The following SFI1 variants were observed in gnomAD, a reference collection of about 807,000 sequenced individuals.
The protein encoded by SFI1 is protein SFI1 homolog.
A neutral mutation model predicts 207.5 loss-of-function variants in SFI1; 195 were observed. The ratio of observed to expected loss-of-function variants is 0.94; its 90% confidence interval spans 0.84 to 1.06. SFI1 has a LOEUF of 1.06. SFI1 is among the 50% of genes least tolerant of loss of function. The pLI is 0.00. For missense variants in SFI1, 1,634 were observed against 1,588.0 expected, an observed-to-expected ratio of 1.03 and a Z score of -0.49; for synonymous variants, 630 against 598.9, an observed-to-expected ratio of 1.05 and a Z score of -0.76.
intron 6 of SFI1, among the ~76,000 whole-genome samples, chr22:31,555,883 A>G (rs2061110726): frequency 1.3e-5 from 2 of 152,210 alleles, no homozygotes; most frequent in South Asian, 2.1e-4. Context: ...CTTGTCAACA[A>G]CTGTGAAATA....
chr22:31,589,505 A>T lies in SFI1; in HGVS notation c.1472A>T (p.His491Leu), dbSNP rs2065531007. The part of the protein sequence containing the change: ...FQQRALPAAF[H>L]TWNRLWRWRH... ...CAGAGAGCCCTGCCTGCTGCCTTCC[A>T]CACATGGAACAGACTCTGGCGATGG... Residue 491 changes from histidine (H) to leucine (L), a missense_variant, in exon 15 of 33, where the codon CAC (histidine) becomes CTC (leucine). Coordinates refer to ENST00000400288, the MANE Select transcript of SFI1 (RefSeq NM_001007467.3). The T allele has an allele frequency of 6.2e-7, 1 of 1,613,970 alleles. No individual in the cohort carries two copies. Among genetic ancestry groups the T allele is most frequent in the East Asian group, 2.2e-5 (1 of 44,882 alleles).
intron 4 of SFI1, among the ~76,000 whole-genome samples, chr22:31,533,186 C>T (rs1015249404): frequency 5.9e-5 from 9 of 152,142 alleles, no homozygotes; most frequent in African/African-American, 1.7e-4. Context: ...TGACCATTGC[C>T]ATGGTGACCT....
chr22:31,602,894 ACT>A, intron 17 of SFI1, 109 bp downstream of exon 17: 2 of 1,252,676 alleles, frequency 1.6e-6, no homozygotes, highest in South Asian at 1.5e-5. Flanking sequence ...ATTACCCCAG[ACT>A]CTGGTTGTAA....
chr22:31,589,198 GTGTA>G (rs1435115149), intron 14 of SFI1, among the ~76,000 whole-genome samples: 3 of 107,510 alleles, frequency 2.8e-5, no homozygotes, highest in Non-Finnish European at 5.9e-5. Flanking sequence ...GTGAGAGTGT[GTGTA>G]TGTGTGTGCG....
intron 22 of SFI1, 117 bp from the exon 23 acceptor site, chr22:31,611,026 G>T: frequency 7.3e-7 from 1 of 1,360,816 alleles, no homozygotes. Flanking sequence ...CACCATGTGG[G>T]CTGGACACCT....
intron 4 of SFI1, 93 bp from the exon 5 acceptor site, chr22:31,546,768 T>C (rs906824479): frequency 2.1e-5 from 18 of 851,462 alleles, no homozygotes; most frequent in Admixed American, 8.0e-5. Context: ...CGCCCGGCTG[T>C]ACTTTTTCAT....
At chr22:31,612,354 CG>C (rs2070328515) in intron 24 of SFI1, 1 of 130,570 alleles carries the variant, frequency 7.7e-6, no homozygotes, top group Non-Finnish European at 1.6e-5. Flanking sequence ...CACTCCAGCC[CG>C]GGCAACAGAG....
chr22:31,534,874 C>G (rs1284145643), intron 4 of SFI1, among the ~76,000 whole-genome samples: 1 of 139,984 alleles, frequency 7.1e-6, no homozygotes, highest in African/African-American at 2.6e-5. Flanking sequence ...ACTTCAAATG[C>G]TTTTTTTTTT....
chr22:31,554,519 A>G (rs1236485165), intron 6 of SFI1, among the ~76,000 whole-genome samples: 2 of 150,820 alleles, frequency 1.3e-5, no homozygotes, highest in Non-Finnish European at 2.9e-5. Context: ...AGTGTTAGCC[A>G]GGATGGTCTT....
intron 6 of SFI1, among the ~76,000 whole-genome samples, chr22:31,552,634 A>G (rs1403521518): frequency 6.6e-6 from 1 of 152,164 alleles, no homozygotes; most frequent in Non-Finnish European, 1.5e-5. Context: ...TGCAGTGAAC[A>G]TATGAGAGCA....
chr22:31,615,181 C>A lies in SFI1; in HGVS notation c.3202C>A (p.Pro1068Thr). 1 of 1,598,608 alleles carries A rather than the reference C, an allele frequency of 6.3e-7. No homozygotes were observed. Among genetic ancestry groups the A allele is most frequent in the Non-Finnish European group, 8.5e-7 (1 of 1,174,314 alleles). ...SPLPGALSSA[P>T]GPKQPPTAST... ...CCTGCCTGGGGCCCTGTCAAGCGCC[C>A]CTGGCCCGAAGCAGCCCCCGACGGC... The change falls in exon 29 of 33, where the codon CCT (proline) becomes ACT (threonine). Residue 1068 changes from proline to threonine, a missense_variant. Transcript: ENST00000400288.
intron 2 of SFI1, among the ~76,000 whole-genome samples, chr22:31,527,258 C>G (rs958566510): frequency 6.6e-6 from 1 of 152,156 alleles, no homozygotes; most frequent in African/African-American, 2.4e-5. Flanking sequence ...GTGATTAATG[C>G]TTCTACCTTA....
chr22:31,512,755 C>T (rs528196044), intron 2 of SFI1, among the ~76,000 whole-genome samples: 1 of 151,328 alleles, frequency 6.6e-6, no homozygotes, highest in Admixed American at 6.6e-5. Flanking sequence ...GGCGCAATCT[C>T]GGCTCAGTGC....
chr22:31,575,088 GTGTGT>G, intron 9 of SFI1, 138 bp from the exon 10 acceptor site: 3 of 8,908 alleles, frequency 3.4e-4, no homozygotes, highest in Admixed American at 4.2e-3. Flanking sequence ...CTTAGTGCGT[GTGTGT>G]GTGTGTGTGT....
Position 31,616,404 on chromosome 22 carries a change from A to C in SFI1, c.3301-341A>C, listed in dbSNP as rs138258320. 3.3e-3 allele frequency: 797 copies of C among 240,904 alleles called. 5 individuals are homozygous for C. The highest frequency in any genetic ancestry group is 0.017 in the African/African-American group (745 of 44,516). The allele number at this position is 240,904 out of a possible 1,614,324, so 14.9% of individuals were successfully genotyped here. Reference sequence around the variant, plus strand: ...ACTGACCACTTCTCACTGATGTCAAAGCTCAGCAAGGTCATGAGCTTAGAG... The same window carrying C: ...ACTGACCACTTCTCACTGATGTCAACGCTCAGCAAGGTCATGAGCTTAGAG... On this transcript the variant is annotated intron_variant, in intron 29 of 32. Coordinates refer to ENST00000400288, the MANE Select transcript of SFI1 (RefSeq NM_001007467.3).
Position 31,551,208 on chromosome 22 carries a change from A to G in SFI1, c.544+860A>G, listed in dbSNP as rs558187618. On this transcript the variant is annotated intron_variant, in intron 6 of 32. Coordinates refer to ENST00000400288, the MANE Select transcript of SFI1 (RefSeq NM_001007467.3). ...TAGCTGCAAGAGTGGTAAGACATAGATAAGATCATGACACTCCTTTACGTA... is the reference window on the plus strand; with the variant it reads ...TAGCTGCAAGAGTGGTAAGACATAGGTAAGATCATGACACTCCTTTACGTA... Among the ~76,000 whole-genome samples, 27 of 152,300 alleles carry G rather than the reference A, an allele frequency of 1.8e-4. 1 individual carries two copies. In the South Asian group the frequency reaches 5.6e-3, roughly 32 times the overall value.
At chr22:31,542,802 C>T (rs1198899233) in intron 4 of SFI1, among the ~76,000 whole-genome samples, 6 of 151,152 alleles carry the variant, frequency 4.0e-5, no homozygotes, top group Admixed American at 4.0e-4. Flanking sequence ...GCTGGGACTA[C>T]AGGCATGCAC....
intron 2 of SFI1, among the ~76,000 whole-genome samples, chr22:31,514,500 T>A: frequency 8.0e-6 from 1 of 125,664 alleles, no homozygotes; most frequent in East Asian, 2.4e-4. Context: ...AGAGTGAGAC[T>A]CTGTCTCAAA....
At chr22:31,592,901 T>A (rs1179127842) in intron 15 of SFI1, among the ~76,000 whole-genome samples, 3 of 84,712 alleles carry the variant, frequency 3.5e-5, no homozygotes, top group African/African-American at 1.1e-4. Flanking sequence ...CTGGCCGGGC[T>A]GAGGGGCTCC....
Sources: gnomAD v4.1 joint callset for allele counts (sites outside exome capture counted in the v4.1 genomes callset) on GRCh38, gnomAD v4.1.1 for gene constraint, MANE v1.5 for transcripts, NCBI Gene and HGNC (gene_info 2026-07-23, HGNC 2026-07-21) for gene names.